The following SLC12A7 variants were observed in gnomAD, a reference collection of about 807,000 sequenced individuals.
SLC12A7 encodes solute carrier family 12 member 7, also known as K-Cl cotransporter 4.
In SLC12A7, 100 loss-of-function variants were observed where a neutral mutation model predicts 120.6. The observed-to-expected ratio is 0.83, with a 90% CI of 0.71 to 0.98. The LOEUF (loss-of-function observed/expected upper bound fraction) is 0.98. SLC12A7 is among the 50% of genes least tolerant of loss of function. The probability of loss-of-function intolerance (pLI) is 0.00; values close to 1 mark genes in which losing one functional copy is unlikely to be tolerated. For missense variants in SLC12A7, 1,373 were observed against 1,548.1 expected (o/e 0.89, Z 1.90); for synonymous variants, 760 against 678.0 (o/e 1.12, Z -1.88).
chr5:1,075,993 G>T, intron 14 of SLC12A7, 145 bp downstream of exon 14: 1 of 651,472 alleles, frequency 1.5e-6, no homozygotes, highest in Non-Finnish European at 2.6e-6. Flanking sequence ...GGGGTCTTCA[G>T]GCCCAGAGCA....
chr5:1,144,226 C>T, the SLC12A7 span, among the ~76,000 whole-genome samples: 24 of 152,298 alleles, frequency 1.6e-4, no homozygotes, highest in Admixed American at 1.2e-3. Context: ...GCCGGCGCAG[C>T]GCCGGGTGGC....
chr5:1,099,544 C>T (rs947542658), intron 1 of SLC12A7, among the ~76,000 whole-genome samples: 6 of 151,786 alleles, frequency 4.0e-5, no homozygotes, highest in South Asian at 2.1e-4. Flanking sequence ...ATCCCAGTTC[C>T]GGCCAGGACA....
At chr5:1,095,834 G>A (rs1215202239) in intron 1 of SLC12A7, among the ~76,000 whole-genome samples, 1 of 152,256 alleles carries the variant, frequency 6.6e-6, no homozygotes, top group Non-Finnish European at 1.5e-5. Flanking sequence ...GGCAGCACGT[G>A]CTCCCAGTAG....
intron 12 of SLC12A7, among the ~76,000 whole-genome samples, chr5:1,077,604 C>A (rs976338845): frequency 1.3e-5 from 2 of 152,224 alleles, no homozygotes; most frequent in African/African-American, 4.8e-5. Flanking sequence ...CTGACACACC[C>A]GGGGCCGAGC....
intron 1 of SLC12A7, among the ~76,000 whole-genome samples, chr5:1,105,637 A>C (rs1742467304): frequency 6.6e-6 from 1 of 152,258 alleles, no homozygotes; most frequent in African/African-American, 2.4e-5. Flanking sequence ...TGCACAGAAC[A>C]GGCCTCTGCC....
the SLC12A7 span, among the ~76,000 whole-genome samples, chr5:1,137,452 C>G: frequency 2.6e-5 from 4 of 152,210 alleles, no homozygotes; most frequent in Admixed American, 2.6e-4. Context: ...TACACCGCAC[C>G]CAGCCCCAGG....
At chr5:1,140,164 G>T in the SLC12A7 span, among the ~76,000 whole-genome samples, 74 of 152,320 alleles carry the variant, frequency 4.9e-4, no homozygotes, top group African/African-American at 1.6e-3. Flanking sequence ...GTTTCCCATC[G>T]CTGGCTGGCT....
intron 21 of SLC12A7, among the ~76,000 whole-genome samples, chr5:1,059,298 G>A (rs1387886060): frequency 6.6e-6 from 1 of 152,242 alleles, no homozygotes; most frequent in African/African-American, 2.4e-5. Flanking sequence ...TCTGTTGGGG[G>A]AGAGCAGCAG....
At chr5:1,154,021 C>T in the SLC12A7 span, among the ~76,000 whole-genome samples, 4 of 152,100 alleles carry the variant, frequency 2.6e-5, no homozygotes, top group African/African-American at 7.2e-5. Context: ...GGTGTCTCGT[C>T]CATCTCATCT....
chr5:1,053,211 G>A (rs10063723), intron 23 of SLC12A7, 138 bp downstream of exon 23: 31,565 of 1,131,218 alleles, frequency 0.028, 2,819 homozygotes, highest in African/African-American at 0.26. Context: ...ACTGCATCCC[G>A]GTCGTAGCTC....
Position 1,111,886 on chromosome 5 carries a change from GC to G in SLC12A7, c.105del (p.Glu35AspfsTer61). The G allele has an allele frequency of 2.4e-6, 3 of 1,229,618 alleles. No homozygotes were observed. Among genetic ancestry groups the G allele is most frequent in the Non-Finnish European group, 3.0e-6 (3 of 984,774 alleles). The allele number at this position is 1,229,618 out of a possible 1,614,324, so 76.2% of individuals were successfully genotyped here. A position where few individuals can be genotyped will look rare whatever the true frequency, so the allele number is the denominator to read the frequency against. ...CGCTCACCCGGGCTGGGGCGCTCGG[GC>G]TCGGGGCCCTCGGGGGTGCCCGGAG... The part of the protein sequence containing the change: ...TEAPGTPEGP[E>X]PERPSPGDGN... On this transcript the variant is annotated frameshift_variant, in exon 1 of 24. Transcript: ENST00000264930. LOFTEE classifies it high-confidence loss of function.
intron 21 of SLC12A7, among the ~76,000 whole-genome samples, chr5:1,059,041 C>T (rs892841800): frequency 8.5e-5 from 13 of 152,236 alleles, no homozygotes; most frequent in African/African-American, 2.7e-4. Context: ...TGGGTGGATT[C>T]TTGTTCCTAG....
intron 7 of SLC12A7, 21 bp from the exon 8 acceptor site, chr5:1,083,977 C>T (rs370719471): frequency 6.2e-5 from 99 of 1,594,026 alleles, no homozygotes; most frequent in African/African-American, 1.2e-4. Context: ...CAGGGAGGCA[C>T]GGCACGTGTG....
intron 1 of SLC12A7, among the ~76,000 whole-genome samples, chr5:1,107,447 C>T (rs769185302): frequency 7.7e-4 from 117 of 152,206 alleles, no homozygotes; most frequent in Non-Finnish European, 1.5e-3. Flanking sequence ...CCTCACTCCA[C>T]GGCCCACTCA....
At position 1,075,372 on chromosome 5, in the gene SLC12A7, C is replaced by T. The variant is rs777861615; in HGVS notation, c.1966G>A (p.Gly656Arg). ...GTAAGGGGGGCTGACAGCGCTTACC[C>T]GCGGTACTCGATGTACTTGTAGATG... ...GCIYKYIEYR[G>R]AEKEWGDGIR... Residue 656 changes from glycine to arginine, a missense_variant and splice_region_variant, in exon 15 of 24, where the codon GGG becomes AGG. Transcript: ENST00000264930. 1.1e-5 allele frequency: 18 copies of T among 1,609,884 alleles called. No homozygotes were observed. The highest frequency in any genetic ancestry group is 1.4e-5 in the Non-Finnish European group (17 of 1,177,750).
chr5:1,061,233 T>C lies in SLC12A7; in HGVS notation c.2740-782A>G, dbSNP rs182978505. ...TGCGTCTCACCCACCGCACCCGCCGTACCTGCCGCATCCGCCATGCGGAAC... is the reference window on the plus strand; with the variant it reads ...TGCGTCTCACCCACCGCACCCGCCGCACCTGCCGCATCCGCCATGCGGAAC... On this transcript the variant is annotated intron_variant, in intron 20 of 23. Transcript: ENST00000264930. 4.1e-3 allele frequency among the ~76,000 whole-genome samples: 20 copies of C among 4,854 alleles called. 1 individual carries two copies. Among genetic ancestry groups the C allele is most frequent in the African/African-American group, 5.1e-3 (20 of 3,930 alleles). The allele number at this position is 4,854 out of a possible 152,430, so 3.2% of individuals were successfully genotyped here.
At chr5:1,148,193 T>TTTTC in the SLC12A7 span, among the ~76,000 whole-genome samples, 37 of 147,792 alleles carry the variant, frequency 2.5e-4, no homozygotes, top group Middle Eastern at 3.5e-3. Flanking sequence ...GTTGATACTT[T>TTTTC]TTTCTTTCTT....
At chr5:1,083,430 C>T (rs571377153) in intron 8 of SLC12A7, among the ~76,000 whole-genome samples, 31 of 152,346 alleles carry the variant, frequency 2.0e-4, no homozygotes, top group Non-Finnish European at 3.7e-4. Context: ...TACCGCCCAG[C>T]TACCACTCCC....
At chr5:1,109,468 T>C (rs1235511650) in intron 1 of SLC12A7, among the ~76,000 whole-genome samples, 2 of 152,066 alleles carry the variant, frequency 1.3e-5, no homozygotes, top group African/African-American at 4.8e-5. Flanking sequence ...CACATAAGAA[T>C]AAAAGCTCCG....
Sources: allele counts gnomAD v4.1 joint callset (sites outside exome capture counted in the v4.1 genomes callset), GRCh38; gene constraint gnomAD v4.1.1; transcripts MANE v1.5; gene names NCBI Gene and HGNC (gene_info 2026-07-23, HGNC 2026-07-21).